GARRE1: variants seen among roughly 807,000 people sequenced by gnomAD.
GARRE1 encodes granule associated Rac and RHOG effector protein 1.
A neutral mutation model predicts 103.2 loss-of-function variants in GARRE1; 49 were observed. The observed-to-expected ratio is 0.47, with a 90% CI of 0.38 to 0.60. The LOEUF (loss-of-function observed/expected upper bound fraction) is 0.60, where lower values mean the gene tolerates loss of function less well. Among genes scored for constraint, GARRE1 ranks in the 20% least tolerant of loss-of-function variants. The probability of loss-of-function intolerance (pLI) is 0.00; values close to 1 mark genes in which losing one functional copy is unlikely to be tolerated. For synonymous variants in GARRE1, 505 were observed against 532.8 expected, an observed-to-expected ratio of 0.95 and a Z score of 0.72; for missense variants, 1,199 against 1,370.5, an observed-to-expected ratio of 0.87 and a Z score of 1.98.
intron 1 of GARRE1, among the ~76,000 whole-genome samples, chr19:34,290,874 C>CTTTTTTTTTTTTTTTT (rs71165641): frequency 1.6e-5 from 1 of 63,214 alleles, no homozygotes; most frequent in Non-Finnish European, 2.8e-5. Flanking sequence ...AAGCATATTG[C>CTTTTTTTTTTTTTTTT]TTTTTTTTTT....
rs1225224724 is a variant in GARRE1, at chr19:34,333,799, A to G, written c.1359A>G (p.Thr453=). ...GAATCGTGGTTCAAGTCCCATCCAC[A>G]TGGTAACGTGCCTCTTACTTTCACC... The part of the protein sequence containing the change: ...GSRIVVQVPS[T]WCLKEDPATM... The change falls in exon 8 of 14, where the codon ACA becomes ACG. Residue 453 remains threonine, a splice_region_variant and synonymous_variant. Transcript: ENST00000299505. The G allele has an allele frequency of 1.9e-6, 3 of 1,571,376 alleles. No individual in the cohort carries two copies. The highest frequency in any genetic ancestry group is 4.5e-5 in the East Asian group (2 of 44,652).
At chr19:34,308,862 C>T (rs2074023722) in intron 2 of GARRE1, among the ~76,000 whole-genome samples, 1 of 152,110 alleles carries the variant, frequency 6.6e-6, no homozygotes, top group Admixed American at 6.5e-5. Flanking sequence ...GTGATCAATT[C>T]GGTGACTCAA....
chr19:34,272,109 G>A (rs549484769), intron 1 of GARRE1, among the ~76,000 whole-genome samples: 10 of 152,322 alleles, frequency 6.6e-5, no homozygotes, highest in African/African-American at 2.2e-4. Flanking sequence ...ACAACAGGAC[G>A]GGGACCATCT....
chr19:34,255,995 C>A (rs11880439), intron 1 of GARRE1, among the ~76,000 whole-genome samples: 14,444 of 151,546 alleles, frequency 0.095, 1,073 homozygotes, highest in African/African-American at 0.2. Flanking sequence ...GCACCCACCA[C>A]GCCCGGCTAA....
intron 3 of GARRE1, among the ~76,000 whole-genome samples, chr19:34,320,813 C>T (rs542440428): frequency 9.9e-5 from 15 of 151,218 alleles, no homozygotes; most frequent in East Asian, 3.9e-4. Context: ...CCTGTACCTC[C>T]GGGCTCAAGA....
In GARRE1 at chr19:34,349,812, T is replaced by C. The variant is rs549092727; in HGVS notation, c.2825+659T>C. On this transcript the variant is annotated intron_variant, in intron 12 of 13. Coordinates refer to ENST00000299505, the MANE Select transcript of GARRE1 (RefSeq NM_014686.5). ...GGTCCCTGCTGGACAGGCCAGGCTCTGTCAGATAGGCAGTGGGGAGCGGGT... is the reference window on the plus strand; with the variant it reads ...GGTCCCTGCTGGACAGGCCAGGCTCCGTCAGATAGGCAGTGGGGAGCGGGT... 9.9e-5 allele frequency among the ~76,000 whole-genome samples: 15 copies of C among 152,190 alleles called. No homozygotes were observed. The East Asian group carries it at 2.9e-3, about 29-fold the overall frequency.
chr19:34,335,670 C>T (rs1387897979), intron 8 of GARRE1, among the ~76,000 whole-genome samples: 8 of 152,248 alleles, frequency 5.3e-5, no homozygotes, highest in South Asian at 2.1e-4. Context: ...GGATTACAGG[C>T]GCATGCCACT....
In GARRE1 at chr19:34,341,782, T is replaced by G; in HGVS notation, c.1848T>G (p.Asn616Lys). ...AGAATTCCAGTAATACAGTGGCCAA[T>G]GGCTTTCTCATGGAGAGGCGTGAGA... ...SAQNSSNTVA[N>K]GFLMERRENF... Residue 616 changes from asparagine to lysine, a missense_variant, in exon 10 of 14, where the codon AAT (asparagine) becomes AAG (lysine). Asn to Lys is a moderately conservative substitution (Grantham distance 94). Transcript: ENST00000299505. The G allele has an allele frequency of 6.2e-7, 1 of 1,614,192 alleles. No homozygotes were observed. Among genetic ancestry groups the G allele is most frequent in the Middle Eastern group, 1.6e-4 (1 of 6,062 alleles).
At chr19:34,278,660 T>C (rs1407594687) in intron 1 of GARRE1, among the ~76,000 whole-genome samples, 2 of 152,016 alleles carry the variant, frequency 1.3e-5, no homozygotes, top group Non-Finnish European at 2.9e-5. Flanking sequence ...TTGGAGCATG[T>C]TATTAGAATT....
At chr19:34,279,984 CA>C (rs34044474) in intron 1 of GARRE1, among the ~76,000 whole-genome samples, 10,659 of 67,800 alleles carry the variant, frequency 0.16, 366 homozygotes, top group African/African-American at 0.28. Context: ...GACTCCGTCT[CA>C]AAAAAAAAAA....
At chr19:34,290,968 G>C (rs1456286983) in intron 1 of GARRE1, among the ~76,000 whole-genome samples, 2 of 119,524 alleles carry the variant, frequency 1.7e-5, no homozygotes, top group African/African-American at 6.5e-5. Context: ...GTGTAGTGGT[G>C]TGATCTTGGT....
chr19:34,335,201 A>T (rs566012206), intron 8 of GARRE1, among the ~76,000 whole-genome samples: 1 of 152,328 alleles, frequency 6.6e-6, no homozygotes, highest in South Asian at 2.1e-4. Context: ...ACCTTTCTGG[A>T]GGGCAATTTA....
intron 7 of GARRE1, among the ~76,000 whole-genome samples, chr19:34,330,884 GCCA>G (rs2074134648): frequency 6.7e-6 from 1 of 149,082 alleles, no homozygotes; most frequent in Admixed American, 6.9e-5. Context: ...GTAGGCACCC[GCCA>G]CCACATCTGG....
intron 2 of GARRE1, among the ~76,000 whole-genome samples, chr19:34,310,025 T>G (rs1445528704): frequency 6.6e-6 from 1 of 152,166 alleles, no homozygotes. Context: ...GTTGCTAATT[T>G]TGGGGACTAG....
chr19:34,287,197 T>A (rs902102569), intron 1 of GARRE1, among the ~76,000 whole-genome samples: 2 of 152,140 alleles, frequency 1.3e-5, no homozygotes, highest in African/African-American at 4.8e-5. Flanking sequence ...TTCGTTAGAT[T>A]TGGATTGCAT....
chr19:34,316,838 C>T (rs925621486), intron 2 of GARRE1, among the ~76,000 whole-genome samples: 23 of 152,194 alleles, frequency 1.5e-4, no homozygotes, highest in African/African-American at 5.5e-4. Context: ...AGGAAAGAAG[C>T]TTAGGTTAAA....
Position 34,352,731 on chromosome 19 carries a change from C to T in GARRE1, c.2989C>T (p.Pro997Ser). 1 of 1,614,144 alleles carries T rather than the reference C, an allele frequency of 6.2e-7. No homozygotes were observed. The highest frequency in any genetic ancestry group is 8.5e-7 in the Non-Finnish European group (1 of 1,180,010). ...LPSTLPSPSA[P>S]LYAVTSPGSQ... ...CAGCACGCTGCCCAGCCCCAGCGCACCACTCTATGCAGTCACCAGCCCTGG... is the reference window on the plus strand; with the variant it reads ...CAGCACGCTGCCCAGCCCCAGCGCATCACTCTATGCAGTCACCAGCCCTGG... Residue 997 changes from proline (P) to serine (S), a missense_variant, in exon 14 of 14, where the codon CCA becomes TCA. Physicochemically the swap from Pro to Ser is moderately conservative, Grantham distance 74. Coordinates refer to ENST00000299505, the MANE Select transcript of GARRE1 (RefSeq NM_014686.5).
intron 1 of GARRE1, among the ~76,000 whole-genome samples, chr19:34,257,885 TTTTTTTTC>T (rs919659498): frequency 1.9e-4 from 24 of 123,794 alleles, no homozygotes; most frequent in South Asian, 9.1e-4. Flanking sequence ...TTTCTTTTTC[TTTTTTTTC>T]TTTTTTTTTT....
intron 11 of GARRE1, 136 bp downstream of exon 11, chr19:34,348,178 C>A: frequency 1.4e-6 from 1 of 734,176 alleles, no homozygotes; most frequent in Non-Finnish European, 1.9e-6. Flanking sequence ...GAGAGAGTGA[C>A]ATGGGATGAA....
Sources: gnomAD v4.1 joint callset for allele counts (sites outside exome capture counted in the v4.1 genomes callset) on GRCh38, gnomAD v4.1.1 for gene constraint, MANE v1.5 for transcripts, NCBI Gene and HGNC (gene_info 2026-07-23, HGNC 2026-07-21) for gene names.